PRKG1: variants seen among roughly 807,000 people sequenced by gnomAD.
The protein encoded by PRKG1 is cGMP-dependent protein kinase 1.
A neutral mutation model predicts 88.1 loss-of-function variants in PRKG1; 35 were observed. That is an observed-to-expected ratio of 0.40 (90% CI 0.30 to 0.53). The LOEUF (loss-of-function observed/expected upper bound fraction) is 0.53. Ranked by LOEUF, PRKG1 falls within the 20% of genes least tolerant of loss-of-function variation. The pLI is 0.59. For synonymous variants in PRKG1, 303 were observed against 292.5 expected (o/e 1.04, Z -0.37); for missense variants, 540 against 839.8 (o/e 0.64, Z 4.41).
At chr10:52,269,761 T>G (rs1202544160) in intron 10 of PRKG1, among the ~76,000 whole-genome samples, 1 of 152,142 alleles carries the variant, frequency 6.6e-6, no homozygotes, top group East Asian at 1.9e-4. Flanking sequence ...GATAATGTCC[T>G]TACATTGCTT....
At chr10:51,806,828 A>G (rs1479822980) in intron 4 of PRKG1, among the ~76,000 whole-genome samples, 1 of 152,112 alleles carries the variant, frequency 6.6e-6, no homozygotes, top group Non-Finnish European at 1.5e-5. Flanking sequence ...CCTGCAAACC[A>G]AACAATTCCA....
At chr10:52,163,784 A>G (rs1013864290) in intron 9 of PRKG1, among the ~76,000 whole-genome samples, 1 of 152,222 alleles carries the variant, frequency 6.6e-6, no homozygotes, top group African/African-American at 2.4e-5. Context: ...GTAGTAAGTA[A>G]GAAAAACTGA....
chr10:51,823,241 C>A (rs555189439), intron 4 of PRKG1, among the ~76,000 whole-genome samples: 1 of 152,038 alleles, frequency 6.6e-6, no homozygotes, highest in South Asian at 2.1e-4. Flanking sequence ...AAAATGAGGG[C>A]AGATAAACAA....
chr10:51,364,318 T>C (rs750454025), intron 2 of PRKG1, among the ~76,000 whole-genome samples: 3 of 151,946 alleles, frequency 2.0e-5, no homozygotes, highest in Non-Finnish European at 2.9e-5. Context: ...GAGGAGCCAT[T>C]TGATCACTAC....
intron 2 of PRKG1, among the ~76,000 whole-genome samples, chr10:51,381,560 T>G (rs758910006): frequency 7.2e-5 from 11 of 152,142 alleles, no homozygotes; most frequent in Non-Finnish European, 1.3e-4. Context: ...GTTTCAAGTT[T>G]CTCTCTTCTT....
chr10:51,947,203 A>T (rs1843062958), intron 5 of PRKG1, among the ~76,000 whole-genome samples: 1 of 152,064 alleles, frequency 6.6e-6, no homozygotes, highest in Non-Finnish European at 1.5e-5. Flanking sequence ...GCCGCCTTGC[A>T]GTTTGATCTC....
At chr10:51,628,718 G>A (rs1006600956) in intron 3 of PRKG1, among the ~76,000 whole-genome samples, 26 of 151,844 alleles carry the variant, frequency 1.7e-4, no homozygotes, top group Non-Finnish European at 3.1e-4. Flanking sequence ...CCAGCACTTT[G>A]GGAGGCCGAG....
intron 2 of PRKG1, among the ~76,000 whole-genome samples, chr10:51,162,241 AC>A (rs1750143880): frequency 6.7e-6 from 1 of 149,342 alleles, no homozygotes. Flanking sequence ...AGCCTACCCC[AC>A]CCCCACCACA....
chr10:52,157,771 C>G (rs1271956676), intron 8 of PRKG1, among the ~76,000 whole-genome samples: 1 of 151,278 alleles, frequency 6.6e-6, no homozygotes, highest in Non-Finnish European at 1.5e-5. Flanking sequence ...ACCTTTCACT[C>G]TTTCCTTCTT....
chr10:52,273,816 A>G (rs750280012), intron 12 of PRKG1, among the ~76,000 whole-genome samples: 13 of 152,166 alleles, frequency 8.5e-5, no homozygotes, highest in South Asian at 2.1e-4. Context: ...TAATATGTAC[A>G]TAGAGATTAT....
chr10:51,467,891 T>C (rs1395582406), intron 3 of PRKG1, 55 bp downstream of exon 3: 6 of 1,394,620 alleles, frequency 4.3e-6, no homozygotes, highest in Non-Finnish European at 6.1e-6. Flanking sequence ...CCTAGGCCTT[T>C]GAGATGTTGT....
chr10:51,026,510 A>T (rs568785944), intron 1 of PRKG1, among the ~76,000 whole-genome samples: 2 of 152,322 alleles, frequency 1.3e-5, no homozygotes. Flanking sequence ...GCAAGGGTTC[A>T]TGGAACCTAG....
intron 2 of PRKG1, among the ~76,000 whole-genome samples, chr10:51,199,216 T>C (rs541729435): frequency 3.3e-5 from 5 of 152,330 alleles, no homozygotes; most frequent in African/African-American, 1.2e-4. Flanking sequence ...TTTTGCTGAA[T>C]TAATAAATTC....
chr10:51,713,158 C>T (rs1310715745), intron 3 of PRKG1, among the ~76,000 whole-genome samples: 3 of 152,110 alleles, frequency 2.0e-5, no homozygotes, highest in South Asian at 4.1e-4. Flanking sequence ...TTTTATTCCC[C>T]CAAAGGAAAC....
chr10:51,013,613 A>G (rs1843020719), intron 1 of PRKG1, among the ~76,000 whole-genome samples: 1 of 152,090 alleles, frequency 6.6e-6, no homozygotes, highest in African/African-American at 2.4e-5. Context: ...GATGGTCTCT[A>G]TCTCCTGACC....
At chr10:52,002,618 A>G (rs1416987920) in intron 5 of PRKG1, among the ~76,000 whole-genome samples, 1 of 152,134 alleles carries the variant, frequency 6.6e-6, no homozygotes, top group East Asian at 1.9e-4. Context: ...CTGAGTTTTT[A>G]TATTACTAAT....
intron 1 of PRKG1, among the ~76,000 whole-genome samples, chr10:51,044,636 A>T (rs556729228): frequency 3.3e-5 from 5 of 152,092 alleles, no homozygotes; most frequent in African/African-American, 1.2e-4. Context: ...CACATAGCTT[A>T]TAGACTCCCC....
intron 2 of PRKG1, among the ~76,000 whole-genome samples, chr10:51,165,234 G>A (rs887720547): frequency 1.4e-4 from 21 of 152,050 alleles, no homozygotes; most frequent in Admixed American, 7.2e-4. Flanking sequence ...AGAGAGTGGG[G>A]GCCAATATTC....
At chr10:52,268,137 A>G (rs1841624253) in intron 10 of PRKG1, among the ~76,000 whole-genome samples, 1 of 152,088 alleles carries the variant, frequency 6.6e-6, no homozygotes, top group South Asian at 2.1e-4. Context: ...GCCCTGCTCT[A>G]AGGAGCTCAT....
Sources: gnomAD v4.1 joint callset for allele counts (sites outside exome capture counted in the v4.1 genomes callset) on GRCh38, gnomAD v4.1.1 for gene constraint, MANE v1.5 for transcripts, NCBI Gene and HGNC (gene_info 2026-07-23, HGNC 2026-07-21) for gene names.